Variants in MOB1B observed in about 807,000 individuals in gnomAD.
MOB1B encodes the protein MOB kinase activator 1B.
In MOB1B, 19 loss-of-function variants were observed where a neutral mutation model predicts 24.4. The ratio of observed to expected loss-of-function variants is 0.78; its 90% CI spans 0.54 to 1.14. MOB1B has a LOEUF of 1.14. Among genes scored for constraint, MOB1B ranks in the 50% most tolerant of loss-of-function variants. MOB1B has a pLI of 0.00. For synonymous variants in MOB1B, 76 were observed against 82.1 expected (o/e 0.93, Z 0.40); for missense variants, 243 against 259.6 (o/e 0.94, Z 0.44).
At chr4:70,954,782 G>T (rs34166704) in intron 1 of MOB1B, among the ~76,000 whole-genome samples, 1 of 148,984 alleles carries the variant, frequency 6.7e-6, no homozygotes, top group Non-Finnish European at 1.5e-5. Flanking sequence ...ACGGAGTCTC[G>T]CTCTGTCACC....
chr4:70,910,440 T>C (rs965920204), intron 1 of MOB1B, among the ~76,000 whole-genome samples: 2 of 151,684 alleles, frequency 1.3e-5, no homozygotes, highest in African/African-American at 4.8e-5. Flanking sequence ...TACACACATA[T>C]GTATGTATAT....
intron 1 of MOB1B, among the ~76,000 whole-genome samples, chr4:70,942,194 A>C (rs1737374205): frequency 6.6e-6 from 1 of 152,156 alleles, no homozygotes; most frequent in African/African-American, 2.4e-5. Flanking sequence ...GCTGCATTTG[A>C]AGTTAGATTT....
chr4:70,979,362 T>A, intron 5 of MOB1B, 71 bp downstream of exon 5: 1 of 1,174,116 alleles, frequency 8.5e-7, no homozygotes. Flanking sequence ...GTAAATACTG[T>A]ATTCACACTG....
intron 1 of MOB1B, among the ~76,000 whole-genome samples, chr4:70,923,402 CA>C (rs1436372339): frequency 6.6e-6 from 1 of 152,128 alleles, no homozygotes; most frequent in Non-Finnish European, 1.5e-5. Flanking sequence ...GAAGTTTTGC[CA>C]TGTTTCCCAG....
At chr4:70,930,781 T>C (rs879791945) in intron 1 of MOB1B, among the ~76,000 whole-genome samples, 14 of 152,148 alleles carry the variant, frequency 9.2e-5, no homozygotes, top group South Asian at 8.3e-4. Context: ...ATTTTTTTCT[T>C]TTTTTCCCTC....
At chr4:70,975,065 G>A (rs1249330537) in intron 3 of MOB1B, 88 bp from the exon 4 acceptor site, 3 of 972,352 alleles carry the variant, frequency 3.1e-6, no homozygotes, top group Non-Finnish European at 2.8e-6. Context: ...ATGTCTGTGT[G>A]TACATTAGTA....
chr4:70,972,375 C>T (rs993356404), intron 3 of MOB1B, among the ~76,000 whole-genome samples: 3 of 151,880 alleles, frequency 2.0e-5, no homozygotes, highest in Non-Finnish European at 4.4e-5. Context: ...CCACCATACC[C>T]GGCTATTTTT....
At chr4:70,940,052 C>T (rs972209328) in intron 1 of MOB1B, among the ~76,000 whole-genome samples, 3 of 152,070 alleles carry the variant, frequency 2.0e-5, no homozygotes, top group Non-Finnish European at 4.4e-5. Context: ...GGTTTGCTGT[C>T]CTGCCGGTGT....
intron 5 of MOB1B, among the ~76,000 whole-genome samples, chr4:70,980,232 G>T (rs1453280935): frequency 6.6e-6 from 1 of 152,144 alleles, no homozygotes; most frequent in African/African-American, 2.4e-5. Flanking sequence ...TGCCAAAACT[G>T]TTGCTCTCAA....
intron 1 of MOB1B, among the ~76,000 whole-genome samples, chr4:70,918,812 T>G (rs988126787): frequency 6.6e-6 from 1 of 152,318 alleles, no homozygotes; most frequent in Admixed American, 6.5e-5. Context: ...TTCTAGGGTT[T>G]TTATACCCAA....
chr4:70,946,447 G>C lies in MOB1B; in HGVS notation c.15-12427G>C, dbSNP rs117041490. ...TATCCCTCGTAACCCACGATCTAGT[G>C]AAAGAGAGGGAGAGGGAAAAAGAAA... On this transcript the variant is annotated intron_variant, in intron 1 of 5. Transcript: ENST00000309395. Among the ~76,000 whole-genome samples the C allele has an allele frequency of 8.5e-5, 13 of 152,290 alleles. No homozygotes were observed. The East Asian group carries it at 1.9e-3, about 23-fold the overall frequency.
rs1739338774 is a variant in MOB1B, at chr4:70,985,118, C to T, written c.*3061C>T. The T allele has an allele frequency of 6.6e-6, 1 of 152,156 alleles. No homozygotes were observed. The highest frequency in any genetic ancestry group is 6.5e-5 in the Admixed American group (1 of 15,276). The allele number at this position is 152,156 out of a possible 1,614,324, so 9.4% of individuals were successfully genotyped here. ...AGATGATGTGGATATTTATATATTA[C>T]ATATATAACCACCAGACTCCATTTT... On this transcript the variant is annotated 3_prime_UTR_variant, in exon 6 of 6. Coordinates refer to ENST00000309395, the MANE Select transcript of MOB1B (RefSeq NM_173468.4).
intron 1 of MOB1B, among the ~76,000 whole-genome samples, chr4:70,926,664 A>C (rs956610044): frequency 6.6e-6 from 1 of 152,172 alleles, no homozygotes; most frequent in African/African-American, 2.4e-5. Context: ...GTAAAAGCGA[A>C]GTGTTAGGTG....
At chr4:70,954,903 A>T (rs1263857755) in intron 1 of MOB1B, among the ~76,000 whole-genome samples, 4 of 151,834 alleles carry the variant, frequency 2.6e-5, no homozygotes, top group African/African-American at 9.7e-5. Context: ...CTCCTGCCTC[A>T]GCCTCCCAAG....
In MOB1B at chr4:70,983,518, A is replaced by G. The variant is rs1477004106; in HGVS notation, c.*1461A>G. The G allele has an allele frequency of 6.6e-6, 1 of 152,266 alleles. No individual in the cohort carries two copies. The highest frequency in any genetic ancestry group is 1.5e-5 in the Non-Finnish European group (1 of 68,006). The allele number at this position is 152,266 out of a possible 1,614,324, so 9.4% of individuals were successfully genotyped here. On this transcript the variant is annotated 3_prime_UTR_variant, in exon 6 of 6. Coordinates refer to ENST00000309395, the MANE Select transcript of MOB1B (RefSeq NM_173468.4). Reference sequence around the variant, plus strand: ...ATTCTAGAAAATACCCTTTTTAGAAATCCAGTTTTAGTTTTGTCATTTTCG... The same window carrying G: ...ATTCTAGAAAATACCCTTTTTAGAAGTCCAGTTTTAGTTTTGTCATTTTCG...
chr4:70,965,796 CAAAAAAAAAAA>C (rs71211986), intron 2 of MOB1B, among the ~76,000 whole-genome samples: 20 of 28,708 alleles, frequency 7.0e-4, no homozygotes, highest in Non-Finnish European at 6.1e-4. Flanking sequence ...GACTCCGTCT[CAAAAAAAAAAA>C]AAAAAAAAAA....
rs1227586330 is a variant in MOB1B at position 70,910,047 on chromosome 4, C to CT, written c.14+7507dup. ...ACAGGTATGAGCCACCACGCCCGGC[C>CT]TTTTTTTTTTGGAGACAAAGTCTCA... On this transcript the variant is annotated intron_variant, in intron 1 of 5. Coordinates refer to ENST00000309395, the MANE Select transcript of MOB1B (RefSeq NM_173468.4). Among the ~76,000 whole-genome samples, 302 of 144,654 alleles carry CT rather than the reference C, an allele frequency of 2.1e-3. 1 individual carries two copies. The highest frequency in any genetic ancestry group is 6.8e-3 in the African/African-American group (268 of 39,526). The allele number at this position is 144,654 out of a possible 152,430, so 94.9% of individuals were successfully genotyped here.
In MOB1B at chr4:70,987,300, TG is replaced by T. The variant is rs991824401; in HGVS notation, c.*5244del. The T allele has an allele frequency of 6.4e-4, 97 of 152,084 alleles. 1 individual carries two copies. Among genetic ancestry groups the T allele is most frequent in the African/African-American group, 2.1e-3 (89 of 41,560 alleles). The allele number at this position is 152,084 out of a possible 1,614,324, so 9.4% of individuals were successfully genotyped here. On this transcript the variant is annotated 3_prime_UTR_variant, in exon 6 of 6. Coordinates refer to ENST00000309395, the MANE Select transcript of MOB1B (RefSeq NM_173468.4). ...TCTCTATATATTATTAATATTAAAT[TG>T]TTTTTTACTTATAAATTCATGTTCT...
At chr4:70,902,364 C>A (rs1735541211), upstream of MOB1B, 2 of 705,554 alleles carry the variant, frequency 2.8e-6, no homozygotes, top group African/African-American at 3.6e-5. Flanking sequence ...CCCCCTCCCC[C>A]TGCCATTGGA....
Sources: gnomAD v4.1 joint callset for allele counts (sites outside exome capture counted in the v4.1 genomes callset) on GRCh38, gnomAD v4.1.1 for gene constraint, MANE v1.5 for transcripts, NCBI Gene and HGNC (gene_info 2026-07-23, HGNC 2026-07-21) for gene names.